TEX35: variants seen among roughly 807,000 people sequenced by gnomAD.
TEX35 encodes testis-expressed protein 35.
A neutral mutation model predicts 31.9 loss-of-function variants in TEX35; 26 were observed. The ratio of observed to expected loss-of-function variants is 0.81; its 90% confidence interval spans 0.60 to 1.13. TEX35 has a LOEUF of 1.13. TEX35 is among the 50% of genes most tolerant of loss of function. The pLI is 0.00. For missense variants in TEX35, 278 were observed against 273.5 expected (o/e 1.02, Z -0.12); for synonymous variants, 87 against 90.7 (o/e 0.96, Z 0.23).
chr1:178,515,698 C>T (rs896980680), intron 3 of TEX35, among the ~76,000 whole-genome samples, 161 bp from the exon 4 acceptor site: 6 of 152,162 alleles, frequency 3.9e-5, no homozygotes, highest in Admixed American at 1.3e-4. Context: ...TGAGCCAGTG[C>T]ACCTGGTCTA....
intron 5 of TEX35, among the ~76,000 whole-genome samples, chr1:178,517,305 G>A (rs1363635686): frequency 6.6e-6 from 1 of 152,164 alleles, no homozygotes; most frequent in African/African-American, 2.4e-5. Flanking sequence ...CGCCTCAACA[G>A]CCTCTCTGCC....
chr1:178,516,617 A>G lies in TEX35; in HGVS notation c.219A>G (p.Ile73Met). 6.2e-7 allele frequency: 1 copy of G among 1,613,108 alleles called. No homozygotes were observed. Among genetic ancestry groups the G allele is most frequent in the African/African-American group, 1.3e-5 (1 of 75,004 alleles). ...LKEKMEEIKQ[I>M]KDLMDKDFDK... ...GCCATGCCTTTCTTCCTTGTTAGAT[A>G]AAGGATCTAATGGACAAGGATTTTG... The change falls in exon 5 of 9, where the codon ATA (isoleucine) becomes ATG (methionine). Residue 73 changes from isoleucine to methionine, a missense_variant and splice_region_variant. Coordinates refer to ENST00000319416, the MANE Select transcript of TEX35 (RefSeq NM_032126.5).
intron 5 of TEX35, among the ~76,000 whole-genome samples, chr1:178,520,158 C>G (rs1239336833): frequency 6.6e-6 from 1 of 152,080 alleles, no homozygotes; most frequent in Non-Finnish European, 1.5e-5. Flanking sequence ...GAAAAGTCCC[C>G]TAATGTCTCT....
chr1:178,513,176 G>A lies in TEX35; in HGVS notation c.-13G>A. The A allele has an allele frequency of 1.9e-6, 3 of 1,614,056 alleles. No individual in the cohort carries two copies. Among genetic ancestry groups the A allele is most frequent in the Non-Finnish European group, 2.5e-6 (3 of 1,180,016 alleles). The stretch of plus-strand genomic sequence containing the variant: ...GTTGTGGGGAGTTGAAGAACACCCT[G>A]GCCTCCTCCATCATGTCGGCCAAGA... On this transcript the variant is annotated 5_prime_UTR_variant, in exon 1 of 9. Coordinates refer to ENST00000319416, the MANE Select transcript of TEX35 (RefSeq NM_032126.5).
intron 6 of TEX35, 42 bp from the exon 7 acceptor site, chr1:178,520,631 G>T (rs745620879): frequency 6.2e-7 from 1 of 1,602,970 alleles, no homozygotes; most frequent in East Asian, 2.2e-5. Context: ...GCTGCAAAAT[G>T]TCTCCCCAAC....
At chr1:178,514,647 TC>T in intron 2 of TEX35, 52 bp from the exon 3 acceptor site, 1 of 1,563,066 alleles carries the variant, frequency 6.4e-7, no homozygotes, top group Non-Finnish European at 8.8e-7. Flanking sequence ...CCTCTGCACT[TC>T]CACCGCCCAT....
Position 178,520,842 on chromosome 1 carries a change from C to T in TEX35, c.511C>T (p.Leu171=), listed in dbSNP as rs750003333. ...ACCACAAAAAACAAAACAGGGCTCA[C>T]TGGATCCCCTTCATCACTGTGGGAC... ...MAPQKTKQGS[L]DPLHHCGTCC... is the part of the protein sequence containing the mutation. The change falls in exon 7 of 9, where the codon CTG becomes TTG. Residue 171 remains leucine, a synonymous_variant. Transcript: ENST00000319416. The T allele has an allele frequency of 7.4e-6, 12 of 1,614,190 alleles. No individual in the cohort carries two copies. The East Asian group carries it at 1.8e-4, about 24-fold the overall frequency.
Position 178,520,879 on chromosome 1 carries a change from G to A in TEX35, c.543+5G>A, listed in dbSNP as rs777004361. ...CATCACTGTGGGACCTGCTGCGTAA[G>A]TGAAACCCTGCCCGAGCCCAGCACT... On this transcript the variant is annotated splice_donor_5th_base_variant and intron_variant, in intron 7 of 8. Coordinates refer to ENST00000319416, the MANE Select transcript of TEX35 (RefSeq NM_032126.5). 34 of 1,613,978 alleles carry A rather than the reference G, an allele frequency of 2.1e-5. No homozygotes were observed. The highest frequency in any genetic ancestry group is 2.9e-5 in the Non-Finnish European group (34 of 1,179,998).
intron 5 of TEX35, among the ~76,000 whole-genome samples, chr1:178,517,130 A>C (rs1387164602): frequency 1.3e-5 from 2 of 152,238 alleles, no homozygotes. Context: ...ACAAGTTCCC[A>C]GGGGAAAGAC....
chr1:178,514,475 A>C (rs6657504), intron 2 of TEX35, among the ~76,000 whole-genome samples: 8,974 of 152,282 alleles, frequency 0.059, 903 homozygotes, highest in African/African-American at 0.2. Flanking sequence ...TGGCTGTTCA[A>C]GGGACAAAAG....
At chr1:178,521,063 C>A in intron 7 of TEX35, 159 bp from the exon 8 acceptor site, 1 of 1,562,934 alleles carries the variant, frequency 6.4e-7, no homozygotes, top group South Asian at 1.2e-5. Flanking sequence ...GCCTCCTTAG[C>A]TGTGACCATG....
At chr1:178,514,325 C>A in intron 2 of TEX35, 2 of 1,348,130 alleles carry the variant, frequency 1.5e-6, no homozygotes, top group Non-Finnish European at 2.0e-6. Flanking sequence ...GTCTGAGTGG[C>A]TGCCGTGGAG....
chr1:178,514,844 T>C lies in TEX35; in HGVS notation c.159+76T>C, dbSNP rs1206423216. Reference sequence around the variant, plus strand: ...AAGTTTTCCCCAAATCCTCAGTGCCTGTTTCCTAAATACAAGAATATCCTC... The same window carrying C: ...AAGTTTTCCCCAAATCCTCAGTGCCCGTTTCCTAAATACAAGAATATCCTC... On this transcript the variant is annotated intron_variant, in intron 3 of 8. Transcript: ENST00000319416. 4 of 1,262,790 alleles carry C rather than the reference T, an allele frequency of 3.2e-6. No individual in the cohort carries two copies. The Admixed American group carries it at 5.8e-5, about 18-fold the overall frequency. 78.2% of individuals were successfully genotyped at this position (1,262,790 alleles called of 1,614,324 possible).
intron 5 of TEX35, 45 bp from the exon 6 acceptor site, chr1:178,520,327 A>C: frequency 6.3e-7 from 1 of 1,587,856 alleles, no homozygotes; most frequent in Non-Finnish European, 8.6e-7. Context: ...GGTATTTCCA[A>C]AGTCCTTCAA....
chr1:178,518,873 GGAGGA>G (rs1159840722), intron 5 of TEX35, among the ~76,000 whole-genome samples: 1 of 152,136 alleles, frequency 6.6e-6, no homozygotes, highest in Admixed American at 6.5e-5. Context: ...GCAGGAGGCA[GGAGGA>G]GTATGTTGTA....
chr1:178,514,241 A>G (rs1440374495), intron 2 of TEX35, 164 bp downstream of exon 2: 4 of 1,535,580 alleles, frequency 2.6e-6, no homozygotes, highest in Non-Finnish European at 3.5e-6. Flanking sequence ...ACTGTAACCA[A>G]TCAGATACAT....
intron 4 of TEX35, among the ~76,000 whole-genome samples, chr1:178,516,349 A>G (rs1195114717): frequency 2.0e-5 from 3 of 152,260 alleles, no homozygotes; most frequent in Non-Finnish European, 4.4e-5. Flanking sequence ...AGAAAGTGTA[A>G]TCGAAGCTGT....
chr1:178,522,319 C>A lies in TEX35; in HGVS notation c.587-6C>A, dbSNP rs558657884. ...AGGTTTCCTCTCCCTCCCTCCACCCCCAAAGGGAACATTCCTTCAGAGGCC... is the reference window on the plus strand; with the variant it reads ...AGGTTTCCTCTCCCTCCCTCCACCCACAAAGGGAACATTCCTTCAGAGGCC... On this transcript the variant is annotated splice_polypyrimidine_tract_variant and splice_region_variant and intron_variant, in intron 8 of 8. Transcript: ENST00000319416. 16 of 1,585,900 alleles carry A rather than the reference C, an allele frequency of 1.0e-5. No individual in the cohort carries two copies. Among genetic ancestry groups the A allele is most frequent in the African/African-American group, 4.0e-5 (3 of 74,466 alleles).
intron 1 of TEX35, 81 bp downstream of exon 1, chr1:178,513,308 A>G (rs1649943209): frequency 6.5e-7 from 1 of 1,546,736 alleles, no homozygotes; most frequent in African/African-American, 1.4e-5. Context: ...CAAGGGATAC[A>G]GAGAATGCTC....
Sources: gnomAD v4.1 joint callset for allele counts (sites outside exome capture counted in the v4.1 genomes callset) on GRCh38, gnomAD v4.1.1 for gene constraint, MANE v1.5 for transcripts, NCBI Gene and HGNC (gene_info 2026-07-23, HGNC 2026-07-21) for gene names.